KCNH8: variants seen among roughly 807,000 people sequenced by gnomAD.
The protein encoded by KCNH8 is voltage-gated delayed rectifier potassium channel KCNH8.
A neutral mutation model predicts 103.6 loss-of-function variants in KCNH8; 70 were observed. The observed-to-expected ratio is 0.68, with a 90% CI of 0.56 to 0.82. The LOEUF is 0.82. KCNH8 is among the 40% of genes least tolerant of loss of function. The pLI is 0.00. For missense variants in KCNH8, 1,217 were observed against 1,329.9 expected (o/e 0.92, Z 1.32); for synonymous variants, 498 against 489.4 (o/e 1.02, Z -0.23).
At chr3:19,215,455 T>C (rs1044811815) in intron 1 of KCNH8, among the ~76,000 whole-genome samples, 1 of 152,204 alleles carries the variant, frequency 6.6e-6, no homozygotes, top group Non-Finnish European at 1.5e-5. Context: ...CAACACTATG[T>C]GAGAACAGCT....
chr3:19,364,752 T>G (rs2065989766), intron 5 of KCNH8, among the ~76,000 whole-genome samples: 1 of 152,064 alleles, frequency 6.6e-6, no homozygotes, highest in Non-Finnish European at 1.5e-5. Context: ...AGCTCTCAAA[T>G]TAGGTGACTT....
chr3:19,530,209 G>T (rs1334081412), intron 15 of KCNH8, among the ~76,000 whole-genome samples: 1 of 152,166 alleles, frequency 6.6e-6, no homozygotes, highest in Non-Finnish European at 1.5e-5. Flanking sequence ...AGTACAGTTA[G>T]ATTAAAGGAG....
At chr3:19,153,595 T>C (rs1444326813) in intron 1 of KCNH8, among the ~76,000 whole-genome samples, 1 of 151,922 alleles carries the variant, frequency 6.6e-6, no homozygotes, top group Non-Finnish European at 1.5e-5. Flanking sequence ...TCAATCATTT[T>C]TCTTTTTCTT....
intron 1 of KCNH8, among the ~76,000 whole-genome samples, chr3:19,159,231 G>A (rs1157311675): frequency 2.6e-5 from 4 of 151,564 alleles, no homozygotes. Flanking sequence ...TTCAATAAAA[G>A]TTACTTGCTA....
chr3:19,355,464 C>G (rs540600485), intron 5 of KCNH8, among the ~76,000 whole-genome samples: 56 of 152,230 alleles, frequency 3.7e-4, no homozygotes, highest in African/African-American at 1.3e-3. Context: ...TTCACAATAG[C>G]AAAGACTTGG....
At chr3:19,453,083 G>C (rs1294323702) in intron 10 of KCNH8, among the ~76,000 whole-genome samples, 3 of 152,062 alleles carry the variant, frequency 2.0e-5, no homozygotes, top group African/African-American at 7.2e-5. Flanking sequence ...ATTATCTTAA[G>C]TAAAATAACT....
At chr3:19,215,268 C>T (rs560114214) in intron 1 of KCNH8, among the ~76,000 whole-genome samples, 1 of 152,260 alleles carries the variant, frequency 6.6e-6, no homozygotes, top group East Asian at 1.9e-4. Flanking sequence ...ACTTGAATGC[C>T]TTTTAGGTAA....
chr3:19,488,546 A>G (rs1033459602), intron 11 of KCNH8, among the ~76,000 whole-genome samples: 1 of 152,234 alleles, frequency 6.6e-6, no homozygotes, highest in South Asian at 2.1e-4. Context: ...AGGAGTGTAC[A>G]TACGGTAAGC....
chr3:19,370,870 T>C (rs1038103967), intron 5 of KCNH8, among the ~76,000 whole-genome samples: 2 of 151,962 alleles, frequency 1.3e-5, no homozygotes, highest in African/African-American at 4.8e-5. Flanking sequence ...TTTGGTTTTT[T>C]CTTCTTGAGA....
At position 19,149,415 on chromosome 3, in the gene KCNH8, A is replaced by G. The variant is rs2063106864; in HGVS notation, c.76+620A>G. Among the ~76,000 whole-genome samples, 3 of 152,138 alleles carry G rather than the reference A, an allele frequency of 2.0e-5. No individual in the cohort carries two copies. The South Asian group carries it at 6.2e-4, about 32-fold the overall frequency. On this transcript the variant is annotated intron_variant, in intron 1 of 15. Transcript: ENST00000328405. ...GAGGCTGTTCAGGAAGAAGGACATG[A>G]ATAAAGACGATTTGATGATAAGAGA...
intron 3 of KCNH8, among the ~76,000 whole-genome samples, chr3:19,333,918 G>A (rs112401642): frequency 3.4e-4 from 51 of 152,138 alleles, no homozygotes; most frequent in African/African-American, 1.1e-3. Flanking sequence ...TTCCCCCACA[G>A]TTCATACAGG....
intron 2 of KCNH8, among the ~76,000 whole-genome samples, chr3:19,259,097 T>G (rs1303728270): frequency 6.6e-6 from 1 of 150,700 alleles, no homozygotes; most frequent in Non-Finnish European, 1.5e-5. Context: ...TTTGATAAGG[T>G]TGTGGATAAC....
chr3:19,351,526 C>T (rs1003913174), intron 5 of KCNH8, among the ~76,000 whole-genome samples: 1 of 152,190 alleles, frequency 6.6e-6, no homozygotes. Flanking sequence ...ATCAGACTAA[C>T]AGCGGATCTC....
At chr3:19,211,564 C>G (rs74414307) in intron 1 of KCNH8, among the ~76,000 whole-genome samples, 6,193 of 152,204 alleles carry the variant, frequency 0.041, 448 homozygotes, top group African/African-American at 0.14. Context: ...CTTTCCAATT[C>G]TCTTCAAAAT....
intron 15 of KCNH8, among the ~76,000 whole-genome samples, chr3:19,530,019 G>C (rs771823453): frequency 6.6e-6 from 1 of 152,060 alleles, no homozygotes; most frequent in African/African-American, 2.4e-5. Context: ...CTAAGTTCAC[G>C]GTCTCAAAGT....
chr3:19,393,365 T>C (rs1255785888), intron 6 of KCNH8, among the ~76,000 whole-genome samples: 1 of 152,044 alleles, frequency 6.6e-6, no homozygotes, highest in Non-Finnish European at 1.5e-5. Flanking sequence ...CAAAGAACTA[T>C]GTGGGTCATC....
intron 1 of KCNH8, among the ~76,000 whole-genome samples, chr3:19,253,010 T>C (rs2064298915): frequency 6.6e-6 from 1 of 152,160 alleles, no homozygotes; most frequent in African/African-American, 2.4e-5. Context: ...TAACCAATTA[T>C]GTGTGGACAT....
At chr3:19,228,721 A>G (rs1157850361) in intron 1 of KCNH8, among the ~76,000 whole-genome samples, 3 of 152,228 alleles carry the variant, frequency 2.0e-5, no homozygotes, top group Non-Finnish European at 4.4e-5. Context: ...ATTTGTATTC[A>G]TCAGGTTATT....
chr3:19,235,317 A>G (rs1025531736), intron 1 of KCNH8, among the ~76,000 whole-genome samples: 1 of 152,234 alleles, frequency 6.6e-6, no homozygotes, highest in Non-Finnish European at 1.5e-5. Flanking sequence ...TGTAAATTTT[A>G]CAAGCACATA....
Sources: gnomAD v4.1 joint callset for allele counts (sites outside exome capture counted in the v4.1 genomes callset) on GRCh38, gnomAD v4.1.1 for gene constraint, MANE v1.5 for transcripts, NCBI Gene and HGNC (gene_info 2026-07-23, HGNC 2026-07-21) for gene names.